Variants in DPYD observed in about 807,000 individuals in gnomAD.
DPYD encodes the protein dihydropyrimidine dehydrogenase.
DPYD carries 109 observed loss-of-function variants against 116.2 expected under a neutral mutation model. The observed-to-expected ratio is 0.94, with a 90% CI of 0.80 to 1.10. The LOEUF is 1.10. Ranked by LOEUF, DPYD falls within the 50% of genes least tolerant of loss-of-function variation. The probability of loss-of-function intolerance (pLI) is 0.00; values close to 1 mark genes in which losing one functional copy is unlikely to be tolerated. For synonymous variants in DPYD, 440 were observed against 432.0 expected (o/e 1.02, Z -0.23); for missense variants, 1,302 against 1,254.5 (o/e 1.04, Z -0.57).
intron 18 of DPYD, among the ~76,000 whole-genome samples, chr1:97,268,448 C>A (rs1664369521): frequency 6.6e-6 from 1 of 152,152 alleles, no homozygotes; most frequent in Non-Finnish European, 1.5e-5. Context: ...GGCTCTGTGC[C>A]TATGACAAGT....
At position 97,593,289 on chromosome 1, in the gene DPYD, G is replaced by T. The variant is rs143154602; in HGVS notation, c.1057C>A (p.Arg353Ser). Residue 353 changes from arginine (R) to serine (S), a missense_variant, in exon 10 of 23, where the codon CGT (arginine) becomes AGT (serine). Physicochemically the swap from Arg to Ser is moderately radical, Grantham distance 110. Coordinates refer to ENST00000370192, the MANE Select transcript of DPYD (RefSeq NM_000110.4). ...TAFDCATSAL[R>S]CGARRVFIVF... is the part of the protein sequence containing the mutation. ...ATGAACACACGGCGAGCTCCACAAC[G>T]TAGAGCAGATGTTGCACAGTCAAAG... 3 of 1,613,958 alleles carry T rather than the reference G, an allele frequency of 1.9e-6. No individual in the cohort carries two copies. In the African/African-American group the frequency reaches 4.0e-5, roughly 22 times the overall value.
In DPYD at chr1:97,078,974, C is replaced by T; in HGVS notation, c.*2G>A. ...TTCACAGCAACTGTTTCACAAATCA[C>T]CTTAACACACCGGATTCACAGATAA... On this transcript the variant is annotated 3_prime_UTR_variant, in exon 23 of 23. Coordinates refer to ENST00000370192, the MANE Select transcript of DPYD (RefSeq NM_000110.4). 6.2e-7 allele frequency: 1 copy of T among 1,613,528 alleles called. No individual in the cohort carries two copies. The highest frequency in any genetic ancestry group is 8.5e-7 in the Non-Finnish European group (1 of 1,179,554).
chr1:97,506,856 T>A (rs1267165866), intron 13 of DPYD, among the ~76,000 whole-genome samples: 1 of 152,068 alleles, frequency 6.6e-6, no homozygotes, highest in African/African-American at 2.4e-5. Context: ...GAAAGCATCT[T>A]AATCTATATT....
chr1:97,476,364 C>G (rs999208884), intron 13 of DPYD, among the ~76,000 whole-genome samples: 1 of 151,996 alleles, frequency 6.6e-6, no homozygotes, highest in Non-Finnish European at 1.5e-5. Flanking sequence ...AAGATGACCC[C>G]TTTAGTAGAA....
intron 18 of DPYD, among the ~76,000 whole-genome samples, chr1:97,289,483 T>C (rs908754058): frequency 3.3e-5 from 5 of 151,756 alleles, no homozygotes; most frequent in Non-Finnish European, 5.9e-5. Flanking sequence ...AAAAAGCTTA[T>C]CCACCATGAT....
chr1:97,720,506 A>C, intron 5 of DPYD: 1 of 1,003,214 alleles, frequency 1.0e-6, no homozygotes, highest in Non-Finnish European at 1.2e-6. Flanking sequence ...AACAATCCAC[A>C]ACCTCGAATT....
At chr1:97,407,223 C>CACA (rs1673711474) in intron 14 of DPYD, among the ~76,000 whole-genome samples, 1 of 151,996 alleles carries the variant, frequency 6.6e-6, no homozygotes, top group Non-Finnish European at 1.5e-5. Flanking sequence ...TGGAATGATG[C>CACA]ACAACATCAA....
chr1:97,748,546 T>C (rs918868605), intron 3 of DPYD, among the ~76,000 whole-genome samples: 13 of 151,748 alleles, frequency 8.6e-5, no homozygotes, highest in African/African-American at 3.1e-4. Flanking sequence ...GAGGCGGAGG[T>C]TGCAATGAGC....
At chr1:97,529,158 G>A (rs2786514) in intron 12 of DPYD, among the ~76,000 whole-genome samples, 1,831 of 152,024 alleles carry the variant, frequency 0.012, 38 homozygotes, top group African/African-American at 0.042. Flanking sequence ...CCACTGCCAC[G>A]TACCAGCTCT....
intron 20 of DPYD, among the ~76,000 whole-genome samples, chr1:97,117,465 T>A: frequency 6.6e-6 from 1 of 152,210 alleles, no homozygotes. Flanking sequence ...TTATCATGTT[T>A]CTTATGTACT....
intron 1 of DPYD, among the ~76,000 whole-genome samples, chr1:97,884,837 C>A (rs1672399292): frequency 6.6e-6 from 1 of 151,952 alleles, no homozygotes; most frequent in East Asian, 1.9e-4. Flanking sequence ...GTAGCATATG[C>A]TTATTCCTGT....
At chr1:97,195,668 A>ATGTG (rs1658748827) in intron 19 of DPYD, among the ~76,000 whole-genome samples, 3 of 53,060 alleles carry the variant, frequency 5.7e-5, no homozygotes, top group African/African-American at 2.5e-4. Context: ...ATATATATAT[A>ATGTG]TATATATATA....
At chr1:97,347,214 C>T (rs1368069711) in intron 16 of DPYD, among the ~76,000 whole-genome samples, 1 of 151,848 alleles carries the variant, frequency 6.6e-6, no homozygotes, top group African/African-American at 2.4e-5. Context: ...TAAAGACATG[C>T]TTACCACATT....
At chr1:97,872,910 C>A (rs965098362) in intron 2 of DPYD, among the ~76,000 whole-genome samples, 1 of 151,878 alleles carries the variant, frequency 6.6e-6, no homozygotes, top group Non-Finnish European at 1.5e-5. Context: ...AATCAGTATG[C>A]TCCCCCATCT....
At chr1:97,917,176 G>C (rs1674259662) in intron 1 of DPYD, among the ~76,000 whole-genome samples, 1 of 152,122 alleles carries the variant, frequency 6.6e-6, no homozygotes, top group South Asian at 2.1e-4. Context: ...AAAGGAAGGA[G>C]AAAAGAAATG....
At chr1:97,580,602 T>C (rs1185764791) in intron 10 of DPYD, among the ~76,000 whole-genome samples, 4 of 152,312 alleles carry the variant, frequency 2.6e-5, no homozygotes, top group African/African-American at 9.6e-5. Context: ...TGACCCAACT[T>C]TAGTCAGGTT....
At chr1:97,680,633 C>T (rs1444451007) in intron 7 of DPYD, among the ~76,000 whole-genome samples, 1 of 152,088 alleles carries the variant, frequency 6.6e-6, no homozygotes, top group Non-Finnish European at 1.5e-5. Context: ...CAACTCTTTT[C>T]AGTAATAATA....
At chr1:97,510,442 C>T (rs1647701900) in intron 13 of DPYD, among the ~76,000 whole-genome samples, 1 of 151,866 alleles carries the variant, frequency 6.6e-6, no homozygotes, top group South Asian at 2.1e-4. Context: ...ATCACAGAAT[C>T]CTCAGTAAAA....
intron 1 of DPYD, among the ~76,000 whole-genome samples, chr1:97,902,535 CT>C (rs1673418292): frequency 6.6e-6 from 1 of 151,768 alleles, no homozygotes; most frequent in African/African-American, 2.4e-5. Flanking sequence ...TCAAGTAATT[CT>C]TTAATCATTA....
Sources: allele counts gnomAD v4.1 joint callset (sites outside exome capture counted in the v4.1 genomes callset), GRCh38; gene constraint gnomAD v4.1.1; transcripts MANE v1.5; gene names NCBI Gene and HGNC (gene_info 2026-07-23, HGNC 2026-07-21).